ATXN2L: variants seen among roughly 807,000 people sequenced by gnomAD.
The protein encoded by ATXN2L is ataxin 2 like, also known as ataxin-2-like protein.
A neutral mutation model predicts 120.7 loss-of-function variants in ATXN2L; 24 were observed. That is an observed-to-expected ratio of 0.20 (90% CI 0.14 to 0.28). The LOEUF (loss-of-function observed/expected upper bound fraction) is 0.28, where lower values mean the gene tolerates loss of function less well. Among genes scored for constraint, ATXN2L ranks in the 10% least tolerant of loss-of-function variants. The pLI is 1.00. For missense variants in ATXN2L, 1,312 were observed against 1,432.3 expected (o/e 0.92, Z 1.36); for synonymous variants, 653 against 568.1 (o/e 1.15, Z -2.13).
At position 28,836,604 on chromosome 16, in the gene ATXN2L, A is replaced by G; in HGVS notation, c.*339A>G. The G allele has an allele frequency of 2.5e-6, 4 of 1,585,490 alleles. No individual in the cohort carries two copies. The highest frequency in any genetic ancestry group is 2.2e-5 in the South Asian group (2 of 89,130). On this transcript the variant is annotated 3_prime_UTR_variant, in exon 22 of 22. Coordinates refer to ENST00000336783, the MANE Select transcript of ATXN2L (RefSeq NM_007245.4). ...TGACCTGTGCTTCTGACAGCCCCCG[A>G]GACACCTTGAGGAGGCCGCTCCTTC...
At position 28,835,406 on chromosome 16, in the gene ATXN2L, G is replaced by T. The variant is rs1447070294; in HGVS notation, c.2685+7G>T. On this transcript the variant is annotated splice_region_variant and intron_variant, in intron 20 of 21. Coordinates refer to ENST00000336783, the MANE Select transcript of ATXN2L (RefSeq NM_007245.4). Reference sequence around the variant, plus strand: ...GGCCCCCAGTCCTGTCCAGGTGCCTGCCATGGGGGGTGCTGAGTGGTCCTG... The same window carrying T: ...GGCCCCCAGTCCTGTCCAGGTGCCTTCCATGGGGGGTGCTGAGTGGTCCTG... The T allele has an allele frequency of 1.9e-6, 3 of 1,612,380 alleles. No individual in the cohort carries two copies. The South Asian group carries it at 3.3e-5, about 18-fold the overall frequency.
Position 28,832,675 on chromosome 16 carries a change from C to T in ATXN2L, c.1588+108C>T, listed in dbSNP as rs952436197. 8.1e-5 allele frequency: 114 copies of T among 1,415,170 alleles called. No individual in the cohort carries two copies. In the African/African-American group the frequency reaches 1.5e-3, roughly 19 times the overall value. 87.7% of individuals were successfully genotyped at this position (1,415,170 alleles called of 1,614,324 possible). A position where few individuals can be genotyped will look rare whatever the true frequency, so the allele number is the denominator to read the frequency against. ...CAGAGGCAAACAATGTCTATCAGTC[C>T]TTGGATTATAATTTCACTTCTGTGA... On this transcript the variant is annotated intron_variant, in intron 12 of 21. Transcript: ENST00000336783.
Position 28,825,853 on chromosome 16 carries a change from CA to C in ATXN2L, c.465+15del. 6.2e-7 allele frequency: 1 copy of C among 1,608,218 alleles called. No individual in the cohort carries two copies. Among genetic ancestry groups the C allele is most frequent in the Non-Finnish European group, 8.5e-7 (1 of 1,174,820 alleles). Reference sequence around the variant, plus strand: ...CGCTAAGCTCAAAGGTCAGTGTACTCAAATTTAATTATTTTTGGAGTTGCAG... The same window carrying C: ...CGCTAAGCTCAAAGGTCAGTGTACTCAATTTAATTATTTTTGGAGTTGCAG... On this transcript the variant is annotated intron_variant, in intron 4 of 21. Coordinates refer to ENST00000336783, the MANE Select transcript of ATXN2L (RefSeq NM_007245.4).
At chr16:28,829,228 C>T (rs1206422098) in intron 6 of ATXN2L, among the ~76,000 whole-genome samples, 173 bp from the exon 7 acceptor site, 1 of 152,122 alleles carries the variant, frequency 6.6e-6, no homozygotes, top group Non-Finnish European at 1.5e-5. Flanking sequence ...GCCTTAAACT[C>T]CTGGCCTCAG....
chr16:28,835,496 G>A (rs756732133), intron 20 of ATXN2L, 53 bp from the exon 21 acceptor site: 25 of 1,610,290 alleles, frequency 1.6e-5, no homozygotes, highest in Non-Finnish European at 1.9e-5. Context: ...GCGAGGACTG[G>A]GGGCCAGCGA....
In ATXN2L at chr16:28,828,717, C is replaced by T. The variant is rs373650357; in HGVS notation, c.742-684C>T. On this transcript the variant is annotated intron_variant, in intron 6 of 21. Coordinates refer to ENST00000336783, the MANE Select transcript of ATXN2L (RefSeq NM_007245.4). The stretch of plus-strand genomic sequence containing the variant: ...TTTGAGACGAGCTTGCTCTGTTGCC[C>T]GGGTTTTTGTTGTAGTTGTTTGTTT... Among the ~76,000 whole-genome samples the T allele has an allele frequency of 4.0e-5, 6 of 151,796 alleles. No individual in the cohort carries two copies. The East Asian group carries it at 7.7e-4, about 19-fold the overall frequency.
At position 28,835,183 on chromosome 16, in the gene ATXN2L, T is replaced by C. The variant is rs556772605; in HGVS notation, c.2559T>C (p.Leu853=). ...PSAEQPTPQA[L]YATVHQSYPH... is the part of the protein sequence containing the mutation. ...CAGAGCAGCCTACCCCCCAAGCCCT[T>C]TATGGTGAGTCCTGCGCCTGGTCCC... Residue 853 remains leucine, a synonymous_variant, in exon 19 of 22, where the codon CTT becomes CTC. Coordinates refer to ENST00000336783, the MANE Select transcript of ATXN2L (RefSeq NM_007245.4). 1.6e-5 allele frequency: 26 copies of C among 1,611,026 alleles called. No individual in the cohort carries two copies. Among genetic ancestry groups the C allele is most frequent in the Non-Finnish European group, 2.0e-5 (23 of 1,178,338 alleles).
Position 28,836,626 on chromosome 16 carries a change from C to T in ATXN2L, c.*361C>T, listed in dbSNP as rs1192945099. On this transcript the variant is annotated 3_prime_UTR_variant, in exon 22 of 22. Coordinates refer to ENST00000336783, the MANE Select transcript of ATXN2L (RefSeq NM_007245.4). ...CCGAGACACCTTGAGGAGGCCGCTCCTTCCCAGACACACCCCCACGCCCCC... is the reference window on the plus strand; with the variant it reads ...CCGAGACACCTTGAGGAGGCCGCTCTTTCCCAGACACACCCCCACGCCCCC... 4.6e-5 allele frequency: 73 copies of T among 1,604,164 alleles called. No homozygotes were observed. The highest frequency in any genetic ancestry group is 5.7e-5 in the Non-Finnish European group (67 of 1,176,840).
chr16:28,831,146 C>G, intron 10 of ATXN2L, 74 bp downstream of exon 10: 1 of 1,045,444 alleles, frequency 9.6e-7, no homozygotes, highest in Non-Finnish European at 1.4e-6. Flanking sequence ...CCATTTGTTA[C>G]AGTGCTGGAA....
Position 28,835,167 on chromosome 16 carries a change from C to G in ATXN2L, c.2543C>G (p.Pro848Arg). Residue 848 changes from proline (P) to arginine (R), a missense_variant, in exon 19 of 22, where the codon CCT becomes CGT. Coordinates refer to ENST00000336783, the MANE Select transcript of ATXN2L (RefSeq NM_007245.4). ...CCTCAGTACCCTTCTGCAGAGCAGC[C>G]TACCCCCCAAGCCCTTTATGGTGAG... The part of the protein sequence containing the change: ...STPQYPSAEQ[P>R]TPQALYATVH... The G allele has an allele frequency of 1.2e-6, 2 of 1,612,748 alleles. No homozygotes were observed. Among genetic ancestry groups the G allele is most frequent in the Non-Finnish European group, 1.7e-6 (2 of 1,179,266 alleles).
rs1296813489 is a variant in ATXN2L, at chr16:28,836,858, A to G, written c.*593A>G. On this transcript the variant is annotated 3_prime_UTR_variant, in exon 22 of 22. Transcript: ENST00000336783. ...GTCTCTTCCCCCAGCAGCTCGGACC[A>G]CTCCCAGCCCCCCATCCCCCCGTTC... 3.1e-5 allele frequency: 46 copies of G among 1,479,446 alleles called. No individual in the cohort carries two copies. Among genetic ancestry groups the G allele is most frequent in the Non-Finnish European group, 4.2e-5 (45 of 1,069,392 alleles). The allele number at this position is 1,479,446 out of a possible 1,614,324, so 91.6% of individuals were successfully genotyped here.
rs549825395 is a variant in ATXN2L, at chr16:28,831,778, C to G, written c.1322-427C>G. On this transcript the variant is annotated intron_variant, in intron 10 of 21. Transcript: ENST00000336783. ...GTGCACCTGTACTCCCAGCTACTTG[C>G]GAGGCTGAGGTGGGGGGAATCGCTT... Among the ~76,000 whole-genome samples, 36 of 151,998 alleles carry G rather than the reference C, an allele frequency of 2.4e-4. 1 individual carries two copies. The highest frequency in any genetic ancestry group is 2.3e-3 in the Admixed American group (35 of 15,244).
intron 15 of ATXN2L, chr16:28,833,821 C>G (rs1036371752): frequency 1.6e-6 from 1 of 626,674 alleles, no homozygotes; most frequent in African/African-American, 1.8e-5. Flanking sequence ...CAGAGGCCAG[C>G]TGACTTGGCT....
intron 6 of ATXN2L, among the ~76,000 whole-genome samples, chr16:28,828,060 TAC>T (rs1172625272): frequency 1.3e-5 from 2 of 152,230 alleles, no homozygotes; most frequent in African/African-American, 4.8e-5. Context: ...TTTTCAAATA[TAC>T]ACACACACGT....
intron 6 of ATXN2L, among the ~76,000 whole-genome samples, 157 bp downstream of exon 6, chr16:28,827,143 T>C (rs927937450): frequency 3.9e-5 from 6 of 152,270 alleles, no homozygotes; most frequent in South Asian, 2.1e-4. Context: ...AGTAAAAATA[T>C]CTATTCTTAG....
chr16:28,832,899 G>C lies in ATXN2L; in HGVS notation c.1659+12G>C. 1.9e-6 allele frequency: 3 copies of C among 1,614,078 alleles called. No homozygotes were observed. The highest frequency in any genetic ancestry group is 2.5e-6 in the Non-Finnish European group (3 of 1,179,916). On this transcript the variant is annotated intron_variant, in intron 13 of 21. Coordinates refer to ENST00000336783, the MANE Select transcript of ATXN2L (RefSeq NM_007245.4). ...GGGCCCAGTTTAAGGTGAGAGAAGAGTGAGCTGGGATATTAGCAGGGTAAA... is the reference window on the plus strand; with the variant it reads ...GGGCCCAGTTTAAGGTGAGAGAAGACTGAGCTGGGATATTAGCAGGGTAAA...
At position 28,825,688 on chromosome 16, in the gene ATXN2L, G is replaced by A. The variant is rs11864931; in HGVS notation, c.393+8G>A. On this transcript the variant is annotated splice_region_variant and intron_variant, in intron 3 of 21. Transcript: ENST00000336783. ...TTCCTTACAGCTGTTGTGGTAAGTT[G>A]GTACTTAACCCCCGGGTTGTTTAAG... 4.5e-3 allele frequency: 7,305 copies of A among 1,613,972 alleles called. 311 individuals are homozygous for A. The African/African-American group carries it at 0.086, about 19-fold the overall frequency.
At chr16:28,823,676 C>T in intron 1 of ATXN2L, 118 bp downstream of exon 1, 1 of 1,073,142 alleles carries the variant, frequency 9.3e-7, no homozygotes, top group African/African-American at 1.6e-5. Flanking sequence ...GGGGAGTCCC[C>T]GTGAAGCTGG....
At position 28,832,048 on chromosome 16, in the gene ATXN2L, T is replaced by C. The variant is rs184152847; in HGVS notation, c.1322-157T>C. ...GTTGTCGATGATGCCCATGAGGCCA[T>C]TTACCTGCTTGTGTTACCTGCCTTG... On this transcript the variant is annotated intron_variant, in intron 10 of 21. Coordinates refer to ENST00000336783, the MANE Select transcript of ATXN2L (RefSeq NM_007245.4). The C allele has an allele frequency of 3.0e-4, 214 of 723,242 alleles. 1 individual carries two copies. In the African/African-American group the frequency reaches 3.4e-3, roughly 11 times the overall value. The allele number at this position is 723,242 out of a possible 1,614,324, so 44.8% of individuals were successfully genotyped here.
Sources: gnomAD v4.1 joint callset for allele counts (sites outside exome capture counted in the v4.1 genomes callset) on GRCh38, gnomAD v4.1.1 for gene constraint, MANE v1.5 for transcripts, NCBI Gene and HGNC (gene_info 2026-07-23, HGNC 2026-07-21) for gene names.